Variants in GPR137C observed in about 807,000 individuals in gnomAD.
The protein encoded by GPR137C is integral membrane protein GPR137C.
GPR137C carries 27 observed loss-of-function variants against 43.4 expected under a neutral mutation model. The observed-to-expected ratio is 0.62, with a 90% CI of 0.46 to 0.86. The LOEUF (loss-of-function observed/expected upper bound fraction) is 0.86, where lower values mean the gene tolerates loss of function less well. GPR137C is among the 40% of genes least tolerant of loss of function. The pLI, the probability that GPR137C is intolerant of heterozygous loss-of-function variation, is 0.00. For synonymous variants in GPR137C, 285 were observed against 226.9 expected (o/e 1.26, Z -2.30); for missense variants, 522 against 534.6 (o/e 0.98, Z 0.23).
intron 1 of GPR137C, among the ~76,000 whole-genome samples, chr14:52,555,581 C>T (rs1206188564): frequency 6.6e-6 from 1 of 152,160 alleles, no homozygotes; most frequent in Non-Finnish European, 1.5e-5. Context: ...ATTGGGTCTT[C>T]AGACTTTGAG....
intron 1 of GPR137C, among the ~76,000 whole-genome samples, chr14:52,581,360 C>T (rs1263266977): frequency 7.0e-6 from 1 of 142,698 alleles, no homozygotes; most frequent in Non-Finnish European, 1.5e-5. Context: ...TGGTGAGATG[C>T]CTTCTCTACT....
chr14:52,595,760 G>A (rs1412575025), intron 1 of GPR137C, among the ~76,000 whole-genome samples: 2 of 152,128 alleles, frequency 1.3e-5, no homozygotes, highest in Non-Finnish European at 2.9e-5. Flanking sequence ...CATTGGGTTA[G>A]AACATGCTCC....
At chr14:52,561,729 G>A (rs569810853) in intron 1 of GPR137C, among the ~76,000 whole-genome samples, 17 of 152,266 alleles carry the variant, frequency 1.1e-4, no homozygotes, top group African/African-American at 4.1e-4. Context: ...GGAAAGATGA[G>A]CTCACACTGT....
chr14:52,597,845 A>T (rs7157154), intron 1 of GPR137C, among the ~76,000 whole-genome samples: 78,183 of 152,060 alleles, frequency 0.51, 21,179 homozygotes, highest in East Asian at 0.7. Context: ...TTCGCTTTAC[A>T]AATTCATTTC....
At chr14:52,565,024 G>C (rs1219210287) in intron 1 of GPR137C, among the ~76,000 whole-genome samples, 1 of 152,184 alleles carries the variant, frequency 6.6e-6, no homozygotes, top group Non-Finnish European at 1.5e-5. Context: ...GAATAGGGGA[G>C]TGTTGGTGTT....
At chr14:52,623,823 A>G (rs2039189179) in intron 3 of GPR137C, among the ~76,000 whole-genome samples, 1 of 152,138 alleles carries the variant, frequency 6.6e-6, no homozygotes, top group Admixed American at 6.5e-5. Context: ...TGGGAAAATT[A>G]TAGTGCTAAA....
At chr14:52,587,826 G>A (rs377280800) in intron 1 of GPR137C, among the ~76,000 whole-genome samples, 5 of 152,164 alleles carry the variant, frequency 3.3e-5, no homozygotes, top group East Asian at 3.8e-4. Flanking sequence ...TTGAAGGTAG[G>A]CCTAAAAGGA....
At chr14:52,588,710 AT>A (rs545007017) in intron 1 of GPR137C, among the ~76,000 whole-genome samples, 9 of 152,130 alleles carry the variant, frequency 5.9e-5, no homozygotes, top group African/African-American at 1.7e-4. Flanking sequence ...ATAATCCTGG[AT>A]TTTTTTTCAT....
intron 3 of GPR137C, among the ~76,000 whole-genome samples, chr14:52,623,856 T>C (rs1362847247): frequency 6.6e-6 from 1 of 152,038 alleles, no homozygotes; most frequent in Non-Finnish European, 1.5e-5. Context: ...AAATTTACCA[T>C]TTTAACCATT....
chr14:52,567,721 G>A (rs955507354), intron 1 of GPR137C, among the ~76,000 whole-genome samples: 8 of 148,100 alleles, frequency 5.4e-5, no homozygotes, highest in Non-Finnish European at 8.9e-5. Flanking sequence ...GTGCAGTGGC[G>A]TGATCTCTGC....
chr14:52,632,216 T>C lies in GPR137C; in HGVS notation c.774T>C (p.Ser258=). The C allele has an allele frequency of 6.2e-7, 1 of 1,606,788 alleles. No homozygotes were observed. The highest frequency in any genetic ancestry group is 8.5e-7 in the Non-Finnish European group (1 of 1,173,420). ...GCTCTGTAGTCATTCTTCTGTACTCTTCCAGAGCTTGTTATAATTTGGTGG... is the reference window on the plus strand; with the variant it reads ...GCTCTGTAGTCATTCTTCTGTACTCCTCCAGAGCTTGTTATAATTTGGTGG... ...VVGSVVILLY[S]SRACYNLVVV... Residue 258 remains serine, a synonymous_variant, in exon 4 of 7, where the codon TCT becomes TCC. Coordinates refer to ENST00000321662, the MANE Select transcript of GPR137C (RefSeq NM_001099652.2).
chr14:52,566,928 A>G (rs1303003620), intron 1 of GPR137C, among the ~76,000 whole-genome samples: 4 of 152,176 alleles, frequency 2.6e-5, no homozygotes, highest in African/African-American at 7.2e-5. Flanking sequence ...CCTGGCCAAC[A>G]TGGTAAAACC....
chr14:52,635,646 T>C lies in GPR137C; in HGVS notation c.*531T>C, dbSNP rs1292400915. 2 of 152,158 alleles carry C rather than the reference T, an allele frequency of 1.3e-5. No homozygotes were observed. The highest frequency in any genetic ancestry group is 2.9e-5 in the Non-Finnish European group (2 of 68,014). The allele number at this position is 152,158 out of a possible 1,614,324, so 9.4% of individuals were successfully genotyped here. A position where few individuals can be genotyped will look rare whatever the true frequency, so the allele number is the denominator to read the frequency against. On this transcript the variant is annotated 3_prime_UTR_variant, in exon 7 of 7. Transcript: ENST00000321662. ...AAAATGTGTAATCATTGAAGACAGT[T>C]CTTTTAAGCATGATTTTAAAATAGC...
chr14:52,598,039 A>G (rs534326765), intron 1 of GPR137C, among the ~76,000 whole-genome samples: 4 of 152,334 alleles, frequency 2.6e-5, no homozygotes, highest in African/African-American at 4.8e-5. Context: ...TTCTGTTTAA[A>G]TCTTTAAAGA....
In GPR137C at chr14:52,635,933, G is replaced by C. The variant is rs755773057; in HGVS notation, c.*818G>C. On this transcript the variant is annotated 3_prime_UTR_variant, in exon 7 of 7. Transcript: ENST00000321662. ...AACTTCTTGGGACTAAACAAGTTTA[G>C]AGATGCATTTAAGAATTATTCACAA... 3 of 152,110 alleles carry C rather than the reference G, an allele frequency of 2.0e-5. No homozygotes were observed. The highest frequency in any genetic ancestry group is 4.4e-5 in the Non-Finnish European group (3 of 68,000). 9.4% of individuals were successfully genotyped at this position (152,110 alleles called of 1,614,324 possible).
chr14:52,565,399 A>G (rs1039218209), intron 1 of GPR137C, among the ~76,000 whole-genome samples: 2 of 152,128 alleles, frequency 1.3e-5, no homozygotes, highest in Admixed American at 6.6e-5. Flanking sequence ...GTTAAAATGA[A>G]CTCTGAGTAA....
At position 52,600,324 on chromosome 14, in the gene GPR137C, G is replaced by A. The variant is rs760383428; in HGVS notation, c.700G>A (p.Val234Ile). The A allele has an allele frequency of 2.5e-6, 4 of 1,586,080 alleles. No individual in the cohort carries two copies. The East Asian group carries it at 9.0e-5, about 36-fold the overall frequency. Residue 234 changes from valine to isoleucine, a missense_variant, in exon 3 of 7, where the codon GTC becomes ATC. This residue lies in a region of GPR137C where 437 missense variants were observed against 425.7 expected (regional missense o/e 1.03). Coordinates refer to ENST00000321662, the MANE Select transcript of GPR137C (RefSeq NM_001099652.2). ...CKITKMSSAN[V>I]YLESKGMSLC... ...AATTACAAAAATGTCATCAGCTAAT[G>A]TCTACCTCGAATCAAAGGTAAGAAT...
chr14:52,574,647 G>A (rs537870122), intron 1 of GPR137C, among the ~76,000 whole-genome samples: 11 of 152,208 alleles, frequency 7.2e-5, no homozygotes, highest in African/African-American at 2.6e-4. Flanking sequence ...AACCACCATG[G>A]CACATGTATA....
At chr14:52,569,921 CTT>C (rs1461266736) in intron 1 of GPR137C, among the ~76,000 whole-genome samples, 1 of 152,118 alleles carries the variant, frequency 6.6e-6, no homozygotes, top group Non-Finnish European at 1.5e-5. Context: ...GGAAAACACT[CTT>C]CAGGATATTA....
Sources: allele counts gnomAD v4.1 joint callset (sites outside exome capture counted in the v4.1 genomes callset), GRCh38; gene constraint gnomAD v4.1.1; regional missense constraint gnomAD v4.1.1; transcripts MANE v1.5; gene names NCBI Gene and HGNC (gene_info 2026-07-23, HGNC 2026-07-21).